ACTC1: variants seen among roughly 807,000 people sequenced by gnomAD.
ACTC1 encodes the protein actin, alpha cardiac muscle 1.
In ACTC1, 10 loss-of-function variants were observed where a neutral mutation model predicts 31.6. That is an observed-to-expected ratio of 0.32 (90% CI 0.19 to 0.54). ACTC1 has a LOEUF of 0.54. ACTC1 is among the 20% of genes least tolerant of loss of function. ACTC1 has a pLI of 0.95. For synonymous variants in ACTC1, 196 were observed against 185.0 expected (o/e 1.06, Z -0.48); for missense variants, 129 against 506.4 (o/e 0.25, Z 7.15).
At chr15:34,795,238 C>T (rs942254673) in intron 1 of ACTC1, among the ~76,000 whole-genome samples, 2 of 151,936 alleles carry the variant, frequency 1.3e-5, no homozygotes. Context: ...AGTAGGGACC[C>T]AAAAGCCCCT....
At chr15:34,790,975 A>G (rs1891692601) in intron 6 of ACTC1, 139 bp downstream of exon 6, 1 of 837,606 alleles carries the variant, frequency 1.2e-6, no homozygotes. Flanking sequence ...TAAGAAAATC[A>G]GAAAAAGTGG....
Position 34,794,941 on chromosome 15 carries a change from G to C in ACTC1, c.-22-111C>G, listed in dbSNP as rs1395650494. ...AAGGGGGTTGTGGGGACTGGACAGG[G>C]GGTTGGGCGGGGAACACTCCTGCCA... is the stretch of plus-strand genomic sequence containing the variant. On this transcript the variant is annotated intron_variant, in intron 1 of 6. Transcript: ENST00000290378. 3 of 1,002,376 alleles carry C rather than the reference G, an allele frequency of 3.0e-6. No homozygotes were observed. The Admixed American group carries it at 7.8e-5, about 26-fold the overall frequency. 62.1% of individuals were successfully genotyped at this position (1,002,376 alleles called of 1,614,324 possible).
At chr15:34,795,468 G>A (rs1891808563) in intron 1 of ACTC1, 38 bp downstream of exon 1, 1 of 152,692 alleles carries the variant, frequency 6.5e-6, no homozygotes. Flanking sequence ...CCGCGGACCA[G>A]GCGAGGAGTG....
At position 34,792,265 on chromosome 15, in the gene ACTC1, G is replaced by A. The variant is rs199947846; in HGVS notation, c.633C>T (p.Val211=). The change falls in exon 5 of 7, where the codon GTC becomes GTT. Residue 211 remains valine (V), a synonymous_variant. Transcript: ENST00000290378. The surrounding 1 kb of genome is among the most constrained non-coding windows in gnomAD (Gnocchi z 5.3). ...AGCACAGCTTCTCTTTAATGTCACG[G>A]ACAATTTCACGTTCAGCTACAGAAA... The part of the protein sequence containing the change: ...SFVTTAEREI[V]RDIKEKLCYV... The A allele has an allele frequency of 1.8e-5, 29 of 1,614,064 alleles. No homozygotes were observed. The highest frequency in any genetic ancestry group is 2.1e-5 in the Non-Finnish European group (25 of 1,180,046).
intron 6 of ACTC1, 27 bp downstream of exon 6, chr15:34,791,087 G>A: frequency 2.9e-5 from 45 of 1,567,946 alleles, no homozygotes; most frequent in Non-Finnish European, 3.8e-5. Context: ...ACTTGCCTCG[G>A]ATCTCCCACT....
At chr15:34,791,062 G>A in intron 6 of ACTC1, 52 bp downstream of exon 6, 2 of 1,518,954 alleles carry the variant, frequency 1.3e-6, no homozygotes, top group Non-Finnish European at 1.8e-6. Flanking sequence ...ACGTAGTTCT[G>A]CTTAGAATAC....
At chr15:34,790,715 G>A (rs1206832836) in intron 6 of ACTC1, among the ~76,000 whole-genome samples, 160 bp from the exon 7 acceptor site, 3 of 152,102 alleles carry the variant, frequency 2.0e-5, no homozygotes, top group Non-Finnish European at 4.4e-5. Flanking sequence ...CAAGTTATAT[G>A]AACTCACCTC....
Position 34,790,436 on chromosome 15 carries a change from G to A in ACTC1, c.1110C>T (p.Ser370=). The A allele has an allele frequency of 6.2e-7, 1 of 1,614,094 alleles. No individual in the cohort carries two copies. Among genetic ancestry groups the A allele is most frequent in the Non-Finnish European group, 8.5e-7 (1 of 1,180,018 alleles). ...CTTAGAAGCATTTGCGGTGGACAAT[G>A]GATGGGCCTGCCTCATCGTACTCTT... The part of the protein sequence containing the change: ...SKQEYDEAGP[S]IVHRKCF The change falls in exon 7 of 7, where the codon TCC becomes TCT. Residue 370 remains serine (S), a synonymous_variant. Coordinates refer to ENST00000290378, the MANE Select transcript of ACTC1 (RefSeq NM_005159.5).
chr15:34,792,054 G>GA lies in ACTC1; in HGVS notation c.808+35dup, dbSNP rs1362316743. The GA allele has an allele frequency of 2.5e-6, 4 of 1,611,408 alleles. No individual in the cohort carries two copies. Among genetic ancestry groups the GA allele is most frequent in the Non-Finnish European group, 3.4e-6 (4 of 1,178,368 alleles). The stretch of plus-strand genomic sequence containing the variant: ...TCTGGGAGACCCTAAGATTTCCAGG[G>GA]AAAATCGTGCCTCTGCACCAGACCC... On this transcript the variant is annotated intron_variant, in intron 5 of 6. Coordinates refer to ENST00000290378, the MANE Select transcript of ACTC1 (RefSeq NM_005159.5). The surrounding 1 kb of genome is among the most constrained non-coding windows in gnomAD (Gnocchi z 5.3).
At chr15:34,791,350 C>T in intron 5 of ACTC1, 55 bp from the exon 6 acceptor site, 1 of 1,392,988 alleles carries the variant, frequency 7.2e-7, no homozygotes, top group Admixed American at 1.8e-5. Flanking sequence ...CACACACACA[C>T]ACATCACAGT....
At chr15:34,791,888 T>G (rs2140430302) in intron 5 of ACTC1, 1 of 594,444 alleles carries the variant, frequency 1.7e-6, no homozygotes, top group Non-Finnish European at 3.0e-6. Flanking sequence ...ATGAACTCAG[T>G]GTGTCATCCT....
rs2140431872 is a variant in ACTC1, at chr15:34,793,348, G to A, written c.351C>T (p.Asn117=). 1 of 1,614,190 alleles carries A rather than the reference G, an allele frequency of 6.2e-7. No individual in the cohort carries two copies. ...LTEAPLNPKA[N]REKMTQIMFE... ...ACATGATCTGAGTCATCTTCTCCCG[G>A]TTGGCCTTGGGGTTCAGCGGGGCCT... The change falls in exon 3 of 7, where the codon AAC becomes AAT. Residue 117 remains asparagine (N), a synonymous_variant. Coordinates refer to ENST00000290378, the MANE Select transcript of ACTC1 (RefSeq NM_005159.5). The surrounding 1 kb of genome is among the most constrained non-coding windows in gnomAD (Gnocchi z 4.8).
chr15:34,794,826 G>T lies in ACTC1; in HGVS notation c.-18C>A. 6.2e-7 allele frequency: 1 copy of T among 1,610,162 alleles called. No homozygotes were observed. Among genetic ancestry groups the T allele is most frequent in the Non-Finnish European group, 8.5e-7 (1 of 1,177,094 alleles). On this transcript the variant is annotated 5_prime_UTR_variant, in exon 2 of 7. Transcript: ENST00000290378. ...TCACACATCTTGGCACAGCTTCAGG[G>T]GGTTCTGCAGGTTGAGGAGGGGAGG...
intron 5 of ACTC1, among the ~76,000 whole-genome samples, chr15:34,791,498 CA>C (rs1477806470): frequency 2.6e-5 from 4 of 152,186 alleles, no homozygotes; most frequent in African/African-American, 9.7e-5. Flanking sequence ...ATCCACAATA[CA>C]ATGCCAAGAA....
rs572031368 is a variant in ACTC1 at position 34,790,301 on chromosome 15, G to A, written c.*111C>T. ...AGAAGCACAAACAAATTGCACGTGT[G>A]TAAACAAACTGTACAATGATTGATG... On this transcript the variant is annotated 3_prime_UTR_variant, in exon 7 of 7. Transcript: ENST00000290378. 6 of 1,409,616 alleles carry A rather than the reference G, an allele frequency of 4.3e-6. No individual in the cohort carries two copies. In the East Asian group the frequency reaches 1.4e-4, roughly 32 times the overall value. 87.3% of individuals were successfully genotyped at this position (1,409,616 alleles called of 1,614,324 possible). A position where few individuals can be genotyped will look rare whatever the true frequency, so the allele number is the denominator to read the frequency against.
rs550695315 is a variant in ACTC1, at chr15:34,793,217, C to A, written c.454+28G>T. The A allele has an allele frequency of 6.2e-7, 1 of 1,610,754 alleles. No individual in the cohort carries two copies. The highest frequency in any genetic ancestry group is 1.7e-5 in the Admixed American group (1 of 60,018). ...TCGGTGACTTGGGAATGTGATTCAT[C>A]AGTAACTGTCCCCAGAGCCCAGCAT... is the stretch of plus-strand genomic sequence containing the variant. On this transcript the variant is annotated intron_variant, in intron 3 of 6. Transcript: ENST00000290378. The surrounding 1 kb of genome is among the most constrained non-coding windows in gnomAD (Gnocchi z 4.8).
Position 34,791,187 on chromosome 15 carries a change from G to A in ACTC1, c.917C>T (p.Thr306Ile), listed in dbSNP as rs1163185449. 6.2e-7 allele frequency: 1 copy of A among 1,614,036 alleles called. No homozygotes were observed. Residue 306 changes from threonine (T) to isoleucine (I), a missense_variant, in exon 6 of 7, where the codon ACT becomes ATT. Thr to Ile is a moderately conservative substitution (Grantham distance 89). Transcript: ENST00000290378. ...YANNVLSGGT[T>I]MYPGIADRMQ... The stretch of plus-strand genomic sequence containing the variant: ...ACGATCAGCAATACCAGGGTACATA[G>A]TGGTGCCTCCAGATAAGACATTGTT...
chr15:34,793,677 C>T lies in ACTC1; in HGVS notation c.130-108G>A. Reference sequence around the variant, plus strand: ...CCAAGTCAAGGAACATATTTAAATACCAGAAATAACAAGCAATACGATTTT... The same window carrying T: ...CCAAGTCAAGGAACATATTTAAATATCAGAAATAACAAGCAATACGATTTT... On this transcript the variant is annotated intron_variant, in intron 2 of 6. Transcript: ENST00000290378. This position sits in a 1 kb window ranked among gnomAD's most constrained non-coding sequence, Gnocchi z 4.8. The T allele has an allele frequency of 9.7e-7, 1 of 1,033,724 alleles. No individual in the cohort carries two copies. Among genetic ancestry groups the T allele is most frequent in the East Asian group, 2.6e-5 (1 of 39,002 alleles). 64.0% of individuals were successfully genotyped at this position (1,033,724 alleles called of 1,614,324 possible).
chr15:34,790,983 T>C, intron 6 of ACTC1, 131 bp downstream of exon 6: 4 of 867,356 alleles, frequency 4.6e-6, no homozygotes, highest in Non-Finnish European at 6.9e-6. Context: ...TCAGAAAAAG[T>C]GGTAGAAAAG....
Sources: allele counts gnomAD v4.1 joint callset (sites outside exome capture counted in the v4.1 genomes callset), GRCh38; gene constraint gnomAD v4.1.1; non-coding constraint Gnocchi (gnomAD v3.1); transcripts MANE v1.5; gene names NCBI Gene and HGNC (gene_info 2026-07-23, HGNC 2026-07-21).